The following HEMK2 variants were observed in gnomAD, a reference collection of about 807,000 sequenced individuals.
The protein encoded by HEMK2 is methyltransferase HEMK2.
chr21:28,646,977 T>C, the HEMK2 span, among the ~76,000 whole-genome samples: 1 of 152,146 alleles, frequency 6.6e-6, no homozygotes, highest in Admixed American at 6.5e-5. Flanking sequence ...CTGTTCTTAA[T>C]AAGGGGTGTG....
chr21:28,756,393 GC>G, the HEMK2 span, among the ~76,000 whole-genome samples: 1 of 152,050 alleles, frequency 6.6e-6, no homozygotes. Context: ...GTCACTTCAG[GC>G]GGCCTTTTTT....
the HEMK2 span, among the ~76,000 whole-genome samples, chr21:28,780,632 C>T: frequency 1.3e-5 from 2 of 152,214 alleles, no homozygotes; most frequent in Admixed American, 1.3e-4. Context: ...AAAGTTCATT[C>T]TAACCTTGAG....
At chr21:28,704,637 G>A in the HEMK2 span, among the ~76,000 whole-genome samples, 1 of 151,838 alleles carries the variant, frequency 6.6e-6, no homozygotes, top group African/African-American at 2.4e-5. Context: ...GACACAGAAG[G>A]GAACAACCGT....
At chr21:28,675,369 C>T in the HEMK2 span, among the ~76,000 whole-genome samples, 25 of 152,166 alleles carry the variant, frequency 1.6e-4, no homozygotes, top group Admixed American at 6.5e-5. Flanking sequence ...CAGAGCACAG[C>T]CTGACTCATC....
the HEMK2 span, among the ~76,000 whole-genome samples, chr21:28,836,965 T>C: frequency 1.3e-5 from 2 of 152,092 alleles, no homozygotes; most frequent in Non-Finnish European, 2.9e-5. Flanking sequence ...CAGGAAAATA[T>C]CACAATCCTA....
the HEMK2 span, among the ~76,000 whole-genome samples, chr21:28,584,632 T>A: frequency 6.6e-6 from 1 of 152,044 alleles, no homozygotes; most frequent in African/African-American, 2.4e-5. Context: ...TTCCCCACAC[T>A]CTCAGGATGT....
chr21:28,578,739 C>G, the HEMK2 span, among the ~76,000 whole-genome samples: 1 of 152,116 alleles, frequency 6.6e-6, no homozygotes, highest in Admixed American at 6.5e-5. Flanking sequence ...GGACCTTATC[C>G]ATGGGAGGAA....
the HEMK2 span, among the ~76,000 whole-genome samples, chr21:28,684,523 TA>T: frequency 1.3e-5 from 2 of 152,224 alleles, no homozygotes; most frequent in Non-Finnish European, 2.9e-5. Flanking sequence ...GACTACAAGG[TA>T]ATAGTTCAAC....
chr21:28,694,556 C>T, the HEMK2 span, among the ~76,000 whole-genome samples: 1 of 152,214 alleles, frequency 6.6e-6, no homozygotes, highest in East Asian at 1.9e-4. Context: ...TATCCTCTTT[C>T]TTCAACTGTC....
chr21:28,684,468 T>TC, the HEMK2 span, among the ~76,000 whole-genome samples: 2 of 152,228 alleles, frequency 1.3e-5, no homozygotes, highest in Admixed American at 6.5e-5. Flanking sequence ...GAGTCTGTCA[T>TC]TACGGTTTGG....
the HEMK2 span, among the ~76,000 whole-genome samples, chr21:28,822,015 A>G: frequency 6.6e-6 from 1 of 152,342 alleles, no homozygotes; most frequent in East Asian, 1.9e-4. Flanking sequence ...TATCAGTATA[A>G]TTGAATGAGG....
the HEMK2 span, among the ~76,000 whole-genome samples, chr21:28,578,087 C>T: frequency 1.3e-5 from 2 of 152,202 alleles, no homozygotes; most frequent in African/African-American, 2.4e-5. Context: ...ATTGCTATAT[C>T]CTATCTCTAA....
chr21:28,595,219 A>T, the HEMK2 span, among the ~76,000 whole-genome samples: 1 of 152,200 alleles, frequency 6.6e-6, no homozygotes, highest in Non-Finnish European at 1.5e-5. Context: ...GTACAACTAC[A>T]TTATTATTGA....
chr21:28,836,803 A>C, the HEMK2 span, among the ~76,000 whole-genome samples: 1 of 141,804 alleles, frequency 7.1e-6, no homozygotes, highest in African/African-American at 2.8e-5. Context: ...ACTTAAAGTA[A>C]AGCGGTTAAA....
chr21:28,769,108 G>A, the HEMK2 span, among the ~76,000 whole-genome samples: 1 of 151,986 alleles, frequency 6.6e-6, no homozygotes, highest in Non-Finnish European at 1.5e-5. Flanking sequence ...ACAAACAGAG[G>A]TCCAGTTGAA....
the HEMK2 span, among the ~76,000 whole-genome samples, chr21:28,825,199 G>A: frequency 2.5e-4 from 38 of 152,152 alleles, no homozygotes; most frequent in African/African-American, 8.2e-4. Context: ...TCTCAAACTT[G>A]AGTGTGTATT....
the HEMK2 span, among the ~76,000 whole-genome samples, chr21:28,727,089 G>A: frequency 8.6e-5 from 13 of 152,030 alleles, no homozygotes; most frequent in Non-Finnish European, 1.8e-4. Context: ...AACATGAAAA[G>A]GGCAAGTGTG....
At chr21:28,795,158 A>C in the HEMK2 span, among the ~76,000 whole-genome samples, 1 of 152,228 alleles carries the variant, frequency 6.6e-6, no homozygotes, top group Non-Finnish European at 1.5e-5. Context: ...TGTTTTCAAA[A>C]CAATTAATAG....
chr21:28,768,699 G>A, the HEMK2 span, among the ~76,000 whole-genome samples: 29,340 of 151,842 alleles, frequency 0.19, 3,209 homozygotes, highest in East Asian at 0.41. Context: ...GTTTCTTGAT[G>A]GATTGAAGGT....
Sources: gnomAD v4.1 joint callset for allele counts (sites outside exome capture counted in the v4.1 genomes callset) on GRCh38, gnomAD v4.1.1 for gene constraint, MANE v1.5 for transcripts, NCBI Gene and HGNC (gene_info 2026-07-23, HGNC 2026-07-21) for gene names.